The following COL4A6 variants were observed in gnomAD, a reference collection of about 807,000 sequenced individuals.
The protein encoded by COL4A6 is collagen type IV alpha 6 chain, also known as collagen alpha-6(IV) chain.
Under a neutral mutation model 126.7 loss-of-function variants are expected in COL4A6, and 59 were observed. The ratio of observed to expected loss-of-function variants is 0.47; its 90% CI spans 0.38 to 0.58. The LOEUF is 0.58. Among genes scored for constraint, COL4A6 ranks in the 20% least tolerant of loss-of-function variants. The probability of loss-of-function intolerance (pLI) is 0.00; values close to 1 mark genes in which losing one functional copy is unlikely to be tolerated. For missense variants in COL4A6, 1,285 were observed against 1,337.3 expected (o/e 0.96, Z 0.61); for synonymous variants, 547 against 496.6 (o/e 1.10, Z -1.35).
At chrX:108,261,305 A>G (rs538976925) in intron 3 of COL4A6, among the ~76,000 whole-genome samples, 2 of 112,089 alleles carry the variant, frequency 1.8e-5, no homozygotes, top group African/African-American at 6.5e-5. Context: ...TCCTTATTGC[A>G]GAAAGTTCTA....
chrX:108,158,112 C>T (rs909558149), intron 44 of COL4A6, among the ~76,000 whole-genome samples: 2 of 112,695 alleles, frequency 1.8e-5, no homozygotes, highest in Non-Finnish European at 3.7e-5. Context: ...CACTTTGACC[C>T]TGAGAATCAA....
chrX:108,305,512 T>G (rs1603052745), intron 3 of COL4A6, among the ~76,000 whole-genome samples: 1 of 111,555 alleles, frequency 9.0e-6, no homozygotes, highest in African/African-American at 3.3e-5. Context: ...GATACATATT[T>G]GTGTTTTGGA....
In COL4A6 at chrX:108,361,043, A is replaced by G. The variant is rs971914133; in HGVS notation, c.64-50215T>C. On this transcript the variant is annotated intron_variant, in intron 2 of 44. Transcript: ENST00000334504. ...GTCAGAGCTATCATGATGATAGTCT[A>G]CAGGATATTGCAAACATCGATTTAC... 2.7e-5 allele frequency among the ~76,000 whole-genome samples: 3 copies of G among 111,446 alleles called. No homozygotes were observed. In the East Asian group the frequency reaches 8.5e-4, roughly 32 times the overall value.
At chrX:108,189,361 C>T (rs2034964917) in intron 20 of COL4A6, among the ~76,000 whole-genome samples, 1 of 112,233 alleles carries the variant, frequency 8.9e-6, no homozygotes, top group African/African-American at 3.2e-5. Flanking sequence ...GGTCCTATCT[C>T]AGTCCTAATC....
chrX:108,281,484 G>A (rs1314991155), intron 3 of COL4A6, among the ~76,000 whole-genome samples: 1 of 97,687 alleles, frequency 1.0e-5, no homozygotes, highest in Non-Finnish European at 2.1e-5. Flanking sequence ...CACTGCTCAA[G>A]GAAATAAAAG....
chrX:108,206,815 T>C (rs2035557800), intron 8 of COL4A6: 1 of 480,659 alleles, frequency 2.1e-6, no homozygotes, highest in Non-Finnish European at 3.8e-6. Context: ...TGAAACAATG[T>C]GGATTAATCT....
chrX:108,228,500 A>G (rs1459821321), intron 3 of COL4A6, among the ~76,000 whole-genome samples: 2 of 112,534 alleles, frequency 1.8e-5, no homozygotes, highest in Admixed American at 1.9e-4. Flanking sequence ...TGGGGGAGAT[A>G]AGGCCATATC....
At chrX:108,306,265 G>A (rs1197171488) in intron 3 of COL4A6, among the ~76,000 whole-genome samples, 2 of 112,233 alleles carry the variant, frequency 1.8e-5, no homozygotes, top group Non-Finnish European at 3.8e-5. Flanking sequence ...TCAGCAATAG[G>A]GCCAGCCCAC....
At chrX:108,334,658 T>C (rs2039388430) in intron 2 of COL4A6, among the ~76,000 whole-genome samples, 1 of 111,393 alleles carries the variant, frequency 9.0e-6, no homozygotes, top group Admixed American at 9.6e-5. Flanking sequence ...TCTTGGTTTC[T>C]GCCTCACCAA....
At chrX:108,368,517 A>G (rs901990999) in intron 2 of COL4A6, among the ~76,000 whole-genome samples, 3 of 110,566 alleles carry the variant, frequency 2.7e-5, no homozygotes, top group Non-Finnish European at 5.7e-5. Flanking sequence ...TGATGTTACA[A>G]TGGCTATAAC....
At position 108,172,431 on chromosome X, in the gene COL4A6, A is replaced by C. The variant is rs372005192; in HGVS notation, c.3202+38T>G. 5.4e-5 allele frequency: 56 copies of C among 1,036,376 alleles called. No individual in the cohort carries two copies. In the African/African-American group the frequency reaches 9.4e-4, roughly 17 times the overall value. 85.4% of individuals were successfully genotyped at this position (1,036,376 alleles called of 1,213,427 possible). A position where few individuals can be genotyped will look rare whatever the true frequency, so the allele number is the denominator to read the frequency against. ...GCCTGCTAGAAATCTACCTTGCTCT[A>C]GAAGAAAACATTAAAAGAAAAAAAA... On this transcript the variant is annotated intron_variant, in intron 32 of 44. Coordinates refer to ENST00000334504, the MANE Select transcript of COL4A6 (RefSeq NM_033641.4).
chrX:108,367,838 C>T (rs934445239), intron 2 of COL4A6, among the ~76,000 whole-genome samples: 3 of 111,680 alleles, frequency 2.7e-5, no homozygotes, highest in African/African-American at 9.8e-5. Context: ...ACACATCCTT[C>T]GGATATTAGC....
intron 23 of COL4A6, 31 bp downstream of exon 23, chrX:108,187,065 A>G: frequency 9.2e-7 from 1 of 1,085,839 alleles, no homozygotes; most frequent in Non-Finnish European, 1.2e-6. Context: ...TCAAATTTCC[A>G]AGTCCAAAGC....
At chrX:108,337,832 T>C (rs1457612388) in intron 2 of COL4A6, among the ~76,000 whole-genome samples, 2 of 112,321 alleles carry the variant, frequency 1.8e-5, no homozygotes, top group East Asian at 2.8e-4. Flanking sequence ...AGTTTATTCA[T>C]AGTCCTAGGA....
rs936939463 is a variant in COL4A6, at chrX:108,408,689, C to T, written c.63+29253G>A. On this transcript the variant is annotated intron_variant, in intron 2 of 44. Transcript: ENST00000334504. ...CATGTTAATAAAATATGGCCAGGCACGGTGGCTCACGCCTGTAATCCCAGC... is the reference window on the plus strand; with the variant it reads ...CATGTTAATAAAATATGGCCAGGCATGGTGGCTCACGCCTGTAATCCCAGC... Among the ~76,000 whole-genome samples, 6 of 111,586 alleles carry T rather than the reference C, an allele frequency of 5.4e-5. No homozygotes were observed. In the East Asian group the frequency reaches 1.1e-3, roughly 21 times the overall value.
chrX:108,164,365 G>A (rs1287843778), intron 40 of COL4A6, among the ~76,000 whole-genome samples: 1 of 111,791 alleles, frequency 8.9e-6, no homozygotes, highest in Non-Finnish European at 1.9e-5. Flanking sequence ...TTAACACAGA[G>A]AGGCAGTCAG....
At chrX:108,391,612 G>T (rs2040841098) in intron 2 of COL4A6, among the ~76,000 whole-genome samples, 1 of 112,262 alleles carries the variant, frequency 8.9e-6, no homozygotes, top group Admixed American at 9.4e-5. Flanking sequence ...AGCTTGTTGG[G>T]CTCTGTGGGG....
At chrX:108,229,660 A>T (rs1389400898) in intron 3 of COL4A6, among the ~76,000 whole-genome samples, 1 of 112,461 alleles carries the variant, frequency 8.9e-6, no homozygotes, top group African/African-American at 3.2e-5. Context: ...GTTGTTATTG[A>T]TGTATTATTA....
At position 108,187,266 on chromosome X, in the gene COL4A6, T is replaced by C. The variant is rs1602752800; in HGVS notation, c.1781A>G (p.Gln594Arg). The C allele has an allele frequency of 4.3e-6, 5 of 1,161,785 alleles. No individual in the cohort carries two copies. The East Asian group carries it at 1.5e-4, about 36-fold the overall frequency. The change falls in exon 23 of 45, where the codon CAG becomes CGG. Residue 594 changes from glutamine (Q) to arginine (R), a missense_variant. By Grantham distance (43) the Gln-to-Arg change is conservative (BLOSUM62 1). Coordinates refer to ENST00000334504, the MANE Select transcript of COL4A6 (RefSeq NM_033641.4). Reference sequence around the variant, plus strand: ...TAACCCCTTTTCACCTGGGAAGCCCTGTCCACCATCACCCTAGACAACATA... The same window carrying C: ...TAACCCCTTTTCACCTGGGAAGCCCCGTCCACCATCACCCTAGACAACATA... ...GLPGLPGDGG[Q>R]GFPGEKGLPG...
Sources: allele counts gnomAD v4.1 joint callset (sites outside exome capture counted in the v4.1 genomes callset), GRCh38; gene constraint gnomAD v4.1.1; transcripts MANE v1.5; gene names NCBI Gene and HGNC (gene_info 2026-07-23, HGNC 2026-07-21).